Variants in SHROOM4 observed in about 807,000 individuals in gnomAD.
The protein encoded by SHROOM4 is shroom family member 4.
A neutral mutation model predicts 80.3 loss-of-function variants in SHROOM4; 17 were observed. The ratio of observed to expected loss-of-function variants is 0.21; its 90% CI spans 0.14 to 0.32. SHROOM4 has a LOEUF of 0.32. Among genes scored for constraint, SHROOM4 ranks in the 10% least tolerant of loss-of-function variants. The pLI is 1.00. For synonymous variants in SHROOM4, 400 were observed against 437.5 expected (o/e 0.91, Z 1.07); for missense variants, 993 against 1,140.3 (o/e 0.87, Z 1.86).
intron 1 of SHROOM4, among the ~76,000 whole-genome samples, chrX:50,790,082 T>G (rs2147698752): frequency 8.9e-6 from 1 of 111,986 alleles, no homozygotes; most frequent in East Asian, 2.8e-4. Flanking sequence ...ATAGAAAAAG[T>G]ATAGTAAAAA....
At chrX:50,740,192 G>A (rs1342427290) in intron 1 of SHROOM4, among the ~76,000 whole-genome samples, 1 of 91,523 alleles carries the variant, frequency 1.1e-5, no homozygotes, top group African/African-American at 4.0e-5. Context: ...TGGGGTCGGG[G>A]GAGAGGGGAG....
intron 2 of SHROOM4, among the ~76,000 whole-genome samples, chrX:50,663,721 C>G (rs782659116): frequency 9.0e-6 from 1 of 111,020 alleles, no homozygotes; most frequent in East Asian, 2.8e-4. Context: ...AGGAATTAAG[C>G]AAAGCTCCCC....
At chrX:50,616,309 T>G (rs186834560) in intron 5 of SHROOM4, among the ~76,000 whole-genome samples, 4 of 111,933 alleles carry the variant, frequency 3.6e-5, no homozygotes, top group Admixed American at 2.8e-4. Flanking sequence ...GCTTTTACCA[T>G]TCTTTTTTCC....
chrX:50,758,922 A>G (rs1280791542), intron 1 of SHROOM4, among the ~76,000 whole-genome samples: 1 of 111,668 alleles, frequency 9.0e-6, no homozygotes, highest in Non-Finnish European at 1.9e-5. Context: ...ATTTTATCTA[A>G]GTTATCTAAT....
chrX:50,764,831 T>C (rs138220749), intron 1 of SHROOM4, among the ~76,000 whole-genome samples: 3,052 of 111,391 alleles, frequency 0.027, 101 homozygotes, highest in African/African-American at 0.094. Context: ...TTCATACTGC[T>C]ATGAAGAAAT....
intron 1 of SHROOM4, among the ~76,000 whole-genome samples, chrX:50,724,700 C>T (rs1383953583): frequency 8.9e-6 from 1 of 111,957 alleles, no homozygotes; most frequent in Non-Finnish European, 1.9e-5. Flanking sequence ...AGGCTGGTCT[C>T]GAACTCCTGA....
chrX:50,717,367 G>A (rs781924657), intron 1 of SHROOM4, among the ~76,000 whole-genome samples: 48 of 111,550 alleles, frequency 4.3e-4, no homozygotes, highest in Non-Finnish European at 7.5e-4. Flanking sequence ...ACAGGCGACC[G>A]CCACCACACC....
chrX:50,618,349 T>C (rs868970161), intron 5 of SHROOM4, among the ~76,000 whole-genome samples: 2 of 11,830 alleles, frequency 1.7e-4, no homozygotes, highest in African/African-American at 4.5e-4. Context: ...CCTTCCTTCC[T>C]TCCTTCCTTC....
At chrX:50,582,197 C>T (rs1557244314), downstream of SHROOM4, among the ~76,000 whole-genome samples, 1 of 111,765 alleles carries the variant, frequency 8.9e-6, no homozygotes, top group African/African-American at 3.3e-5. Context: ...AGTCTTAAAG[C>T]CACAAGGAAA....
Position 50,641,563 on chromosome X carries a change from G to A in SHROOM4, c.270-3255C>T, listed in dbSNP as rs782631239. On this transcript the variant is annotated intron_variant, in intron 2 of 8. Transcript: ENST00000376020. ...TACCATCCACTGTTGAGGTTCTACT[G>A]TACCACTACCTTGCCACACTGTGAA... Among the ~76,000 whole-genome samples the A allele has an allele frequency of 2.7e-5, 3 of 110,791 alleles. No homozygotes were observed. The East Asian group carries it at 8.6e-4, about 32-fold the overall frequency.
At chrX:50,731,410 A>T (rs2147543307) in intron 1 of SHROOM4, among the ~76,000 whole-genome samples, 1 of 111,633 alleles carries the variant, frequency 9.0e-6, no homozygotes, top group African/African-American at 3.3e-5. Flanking sequence ...TCTGAAGGGA[A>T]CAGGACTTCA....
chrX:50,773,072 C>G (rs1443270163), intron 1 of SHROOM4, among the ~76,000 whole-genome samples: 1 of 112,351 alleles, frequency 8.9e-6, no homozygotes, highest in African/African-American at 3.2e-5. Flanking sequence ...TTAACCAAAT[C>G]TAGCAAACAT....
intron 1 of SHROOM4, among the ~76,000 whole-genome samples, chrX:50,811,683 G>A (rs995912595): frequency 5.4e-5 from 6 of 111,510 alleles, no homozygotes; most frequent in African/African-American, 2.0e-4. Flanking sequence ...CAATCATTGT[G>A]CTTAAAAAAA....
chrX:50,665,458 T>A (rs1394887839), intron 2 of SHROOM4, among the ~76,000 whole-genome samples: 1 of 111,029 alleles, frequency 9.0e-6, no homozygotes, highest in Non-Finnish European at 1.9e-5. Context: ...ACAACTTGAT[T>A]TTTAAACTCA....
chrX:50,746,887 C>T (rs1478272063), intron 1 of SHROOM4, among the ~76,000 whole-genome samples: 2 of 112,116 alleles, frequency 1.8e-5, no homozygotes, highest in Non-Finnish European at 3.8e-5. Flanking sequence ...ATGGCAACTC[C>T]AGCAGGCTTA....
intron 6 of SHROOM4, among the ~76,000 whole-genome samples, chrX:50,603,616 ACCAGTGGCAC>A (rs1443761626): frequency 8.9e-6 from 1 of 111,809 alleles, no homozygotes; most frequent in African/African-American, 3.3e-5. Flanking sequence ...AAAAAATGGA[ACCAGTGGCAC>A]CCAGGGGCTT....
chrX:50,721,245 A>C, intron 1 of SHROOM4, among the ~76,000 whole-genome samples: 1 of 112,496 alleles, frequency 8.9e-6, no homozygotes, highest in Admixed American at 9.4e-5. Flanking sequence ...TGGATCTTGC[A>C]CAAGAAAGAA....
chrX:50,785,878 TA>T (rs1277700338), intron 1 of SHROOM4, among the ~76,000 whole-genome samples: 11 of 111,740 alleles, frequency 9.8e-5, no homozygotes, highest in Admixed American at 6.6e-4. Context: ...TCATAGTGAA[TA>T]TATTAATAAA....
At chrX:50,618,468 G>C (rs782417202) in intron 5 of SHROOM4, among the ~76,000 whole-genome samples, 3 of 104,470 alleles carry the variant, frequency 2.9e-5, no homozygotes, top group Non-Finnish European at 5.8e-5. Flanking sequence ...GTGCAGTGGC[G>C]CAATCTTGGC....
Sources: gnomAD v4.1 joint callset for allele counts (sites outside exome capture counted in the v4.1 genomes callset) on GRCh38, gnomAD v4.1.1 for gene constraint, MANE v1.5 for transcripts, NCBI Gene and HGNC (gene_info 2026-07-23, HGNC 2026-07-21) for gene names.